CTDSPL2: variants seen among roughly 807,000 people sequenced by gnomAD.
The protein encoded by CTDSPL2 is CTD small phosphatase-like protein 2.
In CTDSPL2, 5 loss-of-function variants were observed where a neutral mutation model predicts 60.0. That is an observed-to-expected ratio of 0.08 (90% confidence interval 0.04 to 0.18). The LOEUF is 0.18. CTDSPL2 is among the 10% of genes least tolerant of loss of function. The pLI, the probability that CTDSPL2 is intolerant of heterozygous loss-of-function variation, is 1.00. For missense variants in CTDSPL2, 370 were observed against 548.8 expected (o/e 0.67, Z 3.26); for synonymous variants, 186 against 189.3 (o/e 0.98, Z 0.14).
chr15:44,454,620 G>T (rs1032909403), intron 1 of CTDSPL2, among the ~76,000 whole-genome samples: 11 of 152,192 alleles, frequency 7.2e-5, no homozygotes, highest in African/African-American at 2.4e-4. Flanking sequence ...GTAAGCAAGG[G>T]ATCCAGTTTC....
In CTDSPL2 at chr15:44,510,040, G is replaced by A. The variant is rs1241467910; in HGVS notation, c.970-4558G>A. On this transcript the variant is annotated intron_variant, in intron 8 of 12. Coordinates refer to ENST00000260327, the MANE Select transcript of CTDSPL2 (RefSeq NM_016396.3). Reference sequence around the variant, plus strand: ...CTCACTCTGTTGCCCAGACTGGAGTGCAGTAGCGCATCTTGGCTCACTGCA... The same window carrying A: ...CTCACTCTGTTGCCCAGACTGGAGTACAGTAGCGCATCTTGGCTCACTGCA... Among the ~76,000 whole-genome samples the A allele has an allele frequency of 9.2e-5, 14 of 151,456 alleles. No individual in the cohort carries two copies. In the East Asian group the frequency reaches 2.3e-3, roughly 25 times the overall value.
At chr15:44,484,432 AT>A in intron 3 of CTDSPL2, 70 bp downstream of exon 3, 1 of 1,457,832 alleles carries the variant, frequency 6.9e-7, no homozygotes, top group Non-Finnish European at 9.5e-7. Context: ...TTTCTTATCT[AT>A]TTTTAAAACT....
intron 1 of CTDSPL2, among the ~76,000 whole-genome samples, chr15:44,457,513 C>G (rs2080472219): frequency 6.6e-6 from 1 of 151,628 alleles, no homozygotes; most frequent in African/African-American, 2.4e-5. Flanking sequence ...ATTTTATATC[C>G]AGACTACCAA....
At chr15:44,495,366 A>C (rs1369462860) in intron 5 of CTDSPL2, among the ~76,000 whole-genome samples, 2 of 151,158 alleles carry the variant, frequency 1.3e-5, no homozygotes, top group East Asian at 2.0e-4. Flanking sequence ...GTGGATCATG[A>C]GGTCAGGAGA....
At chr15:44,501,889 G>A (rs2081387029) in intron 8 of CTDSPL2, 3 of 409,238 alleles carry the variant, frequency 7.3e-6, no homozygotes, top group South Asian at 1.8e-5. Context: ...AGAAATCTTT[G>A]GGTTAGGGTT....
At chr15:44,454,644 T>C (rs917330683) in intron 1 of CTDSPL2, among the ~76,000 whole-genome samples, 1 of 152,240 alleles carries the variant, frequency 6.6e-6, no homozygotes, top group African/African-American at 2.4e-5. Flanking sequence ...TTTCTACATA[T>C]GGCTAGCCAG....
At chr15:44,464,535 A>G (rs894931316) in intron 2 of CTDSPL2, among the ~76,000 whole-genome samples, 4 of 152,176 alleles carry the variant, frequency 2.6e-5, no homozygotes, top group Non-Finnish European at 5.9e-5. Context: ...CTAGAAGTCC[A>G]AGAACAAGAT....
intron 5 of CTDSPL2, among the ~76,000 whole-genome samples, chr15:44,491,427 T>C (rs2081212280): frequency 6.6e-6 from 1 of 152,200 alleles, no homozygotes; most frequent in Non-Finnish European, 1.5e-5. Flanking sequence ...TTCCTAGATC[T>C]CCCTATATAC....
At chr15:44,479,091 CA>C (rs557869019) in intron 2 of CTDSPL2, among the ~76,000 whole-genome samples, 3 of 142,806 alleles carry the variant, frequency 2.1e-5, no homozygotes, top group Non-Finnish European at 4.6e-5. Context: ...AAAAAAAAAA[CA>C]AGTTTTCTCC....
chr15:44,431,754 T>C lies in CTDSPL2; in HGVS notation c.-25+3982T>C, dbSNP rs564840448. Among the ~76,000 whole-genome samples, 652 of 150,934 alleles carry C rather than the reference T, an allele frequency of 4.3e-3. 5 individuals are homozygous for C. Among genetic ancestry groups the C allele is most frequent in the African/African-American group, 0.015 (613 of 41,044 alleles). The stretch of plus-strand genomic sequence containing the variant: ...TTTTTTTGAGACAGAGTTTCGCTCT[T>C]GTTCCCCAGCCTGGAGTGCAGTGGT... On this transcript the variant is annotated intron_variant, in intron 1 of 12. Transcript: ENST00000260327.
chr15:44,519,013 C>T (rs1480692890), intron 10 of CTDSPL2, 156 bp from the exon 11 acceptor site: 4 of 411,136 alleles, frequency 9.7e-6, no homozygotes, highest in Non-Finnish European at 1.7e-5. Context: ...AGTAAAATGG[C>T]AGCCCAACGC....
chr15:44,472,107 A>G (rs1311967992), intron 2 of CTDSPL2, among the ~76,000 whole-genome samples: 1 of 152,236 alleles, frequency 6.6e-6, no homozygotes. Flanking sequence ...CAATTAATGA[A>G]CATTTGGATT....
intron 10 of CTDSPL2, among the ~76,000 whole-genome samples, chr15:44,515,075 A>G (rs573520251): frequency 2.0e-5 from 3 of 152,124 alleles, no homozygotes; most frequent in South Asian, 4.2e-4. Flanking sequence ...TGTGACATCT[A>G]TATCCTCATT....
chr15:44,506,832 T>A (rs985604530), intron 8 of CTDSPL2, among the ~76,000 whole-genome samples: 15 of 152,026 alleles, frequency 9.9e-5, no homozygotes, highest in African/African-American at 3.1e-4. Context: ...AGTGGCACAA[T>A]CTTGGCTCAC....
rs546258982 is a variant in CTDSPL2, at chr15:44,457,214, A to G, written c.-24-1777A>G. On this transcript the variant is annotated intron_variant, in intron 1 of 12. Coordinates refer to ENST00000260327, the MANE Select transcript of CTDSPL2 (RefSeq NM_016396.3). ...AGGCACTGACTTCTCATAGCTGTGA[A>G]AGTCCTAGATGGCATCTGTTTCCAG... Among the ~76,000 whole-genome samples the G allele has an allele frequency of 4.1e-4, 62 of 152,260 alleles. No individual in the cohort carries two copies. In the South Asian group the frequency reaches 0.013, roughly 32 times the overall value.
intron 7 of CTDSPL2, 63 bp downstream of exon 7, chr15:44,497,201 CT>C: frequency 1.1e-6 from 1 of 899,328 alleles, no homozygotes; most frequent in Non-Finnish European, 1.7e-6. Flanking sequence ...TAGAATCATG[CT>C]TATGTTAGCT....
At chr15:44,428,237 G>A (rs931852489) in intron 1 of CTDSPL2, 2 of 152,288 alleles carry the variant, frequency 1.3e-5, no homozygotes, top group Non-Finnish European at 2.9e-5. Context: ...GAATCTGGAA[G>A]AAGGGATTTG....
intron 2 of CTDSPL2, among the ~76,000 whole-genome samples, chr15:44,460,116 A>AT (rs780866420): frequency 1.2e-4 from 18 of 151,784 alleles, no homozygotes; most frequent in Admixed American, 6.6e-5. Context: ...ATTTTATTTT[A>AT]TTTATTTATT....
intron 1 of CTDSPL2, among the ~76,000 whole-genome samples, chr15:44,440,099 G>T (rs142013076): frequency 1.6e-4 from 24 of 152,108 alleles, no homozygotes; most frequent in African/African-American, 5.8e-4. Context: ...GTTATCTAAT[G>T]TGTGAGCTTT....
Sources: gnomAD v4.1 joint callset for allele counts (sites outside exome capture counted in the v4.1 genomes callset) on GRCh38, gnomAD v4.1.1 for gene constraint, MANE v1.5 for transcripts, NCBI Gene and HGNC (gene_info 2026-07-23, HGNC 2026-07-21) for gene names.